Variants in SEMA3D observed in about 807,000 individuals in gnomAD.
SEMA3D encodes the protein semaphorin-3D.
In SEMA3D, 84 loss-of-function variants were observed where a neutral mutation model predicts 100.1. That is an observed-to-expected ratio of 0.84 (90% CI 0.70 to 1.01). SEMA3D has a LOEUF of 1.01. Ranked by LOEUF, SEMA3D falls within the 50% of genes least tolerant of loss-of-function variation. SEMA3D has a pLI of 0.00. For missense variants in SEMA3D, 875 were observed against 934.1 expected, an observed-to-expected ratio of 0.94 and a Z score of 0.82; for synonymous variants, 312 against 320.7, an observed-to-expected ratio of 0.97 and a Z score of 0.29.
chr7:85,174,264 G>T (rs1791164784), intron 1 of SEMA3D, among the ~76,000 whole-genome samples: 1 of 152,040 alleles, frequency 6.6e-6, no homozygotes, highest in Non-Finnish European at 1.5e-5. Context: ...TCTACTTCAG[G>T]GCCAGCCATG....
chr7:85,123,563 T>A (rs1388075057), intron 2 of SEMA3D, among the ~76,000 whole-genome samples: 2 of 152,044 alleles, frequency 1.3e-5, no homozygotes, highest in Non-Finnish European at 2.9e-5. Flanking sequence ...TTAAGTCAAG[T>A]CTTGGGAAGT....
intron 5 of SEMA3D, among the ~76,000 whole-genome samples, chr7:85,078,962 GA>G (rs1280582201): frequency 2.6e-5 from 4 of 152,116 alleles, no homozygotes; most frequent in Non-Finnish European, 5.9e-5. Flanking sequence ...TAAAAATGAG[GA>G]TCTATGTTCT....
At chr7:85,191,056 T>C (rs1437120965), upstream of SEMA3D, among the ~76,000 whole-genome samples, 2 of 152,014 alleles carry the variant, frequency 1.3e-5, no homozygotes. Flanking sequence ...CAAGCCAGAA[T>C]CTTAAGGCTA....
chr7:85,028,843 G>T lies in SEMA3D; in HGVS notation c.1192-6230C>A, dbSNP rs187397499. ...ATTCCTGATATTGTCCTGGTTGGTG[G>T]TCCTAATTGTATCCCCAAGATTTAG... On this transcript the variant is annotated intron_variant, in intron 12 of 18. Transcript: ENST00000284136. 1.7e-5 allele frequency: 4 copies of T among 237,312 alleles called. No homozygotes were observed. In the East Asian group the frequency reaches 4.3e-4, roughly 26 times the overall value. 14.7% of individuals were successfully genotyped at this position (237,312 alleles called of 1,614,324 possible). A position where few individuals can be genotyped will look rare whatever the true frequency, so the allele number is the denominator to read the frequency against.
chr7:85,194,205 C>A, the SEMA3D span, among the ~76,000 whole-genome samples: 1 of 151,966 alleles, frequency 6.6e-6, no homozygotes, highest in Non-Finnish European at 1.5e-5. Flanking sequence ...TTCTTGTTCC[C>A]ATCTTGTTGC....
At chr7:85,242,670 C>G in the SEMA3D span, among the ~76,000 whole-genome samples, 1 of 152,140 alleles carries the variant, frequency 6.6e-6, no homozygotes, top group Admixed American at 6.6e-5. Context: ...TTATCTACTT[C>G]TCCTTATGGC....
intron 13 of SEMA3D, among the ~76,000 whole-genome samples, chr7:85,020,670 T>C (rs1380538191): frequency 1.3e-5 from 2 of 151,454 alleles, no homozygotes; most frequent in Non-Finnish European, 3.0e-5. Context: ...TAAAAATATA[T>C]TAAAATAACA....
At chr7:85,147,353 G>C (rs1015186632) in intron 2 of SEMA3D, among the ~76,000 whole-genome samples, 2 of 151,674 alleles carry the variant, frequency 1.3e-5, no homozygotes, top group African/African-American at 4.8e-5. Context: ...CTGCCCACCT[G>C]TTGGTCAGGC....
chr7:85,062,792 G>C (rs1791512734), intron 8 of SEMA3D, among the ~76,000 whole-genome samples: 1 of 151,956 alleles, frequency 6.6e-6, no homozygotes, highest in Non-Finnish European at 1.5e-5. Flanking sequence ...AATTATTTTT[G>C]AGGCCACTTA....
chr7:85,217,593 T>C, the SEMA3D span, among the ~76,000 whole-genome samples: 1 of 152,224 alleles, frequency 6.6e-6, no homozygotes, highest in Non-Finnish European at 1.5e-5. Context: ...GAGAGTGTTC[T>C]AATTCCCAGG....
chr7:85,042,105 A>G (rs1301870936), intron 10 of SEMA3D, 66 bp downstream of exon 10: 3 of 1,111,216 alleles, frequency 2.7e-6, no homozygotes, highest in Admixed American at 1.8e-5. Flanking sequence ...CCAAAGGGAA[A>G]TAAATGCCAA....
intron 4 of SEMA3D, among the ~76,000 whole-genome samples, chr7:85,082,114 T>C (rs1788081264): frequency 6.6e-6 from 1 of 152,236 alleles, no homozygotes; most frequent in African/African-American, 2.4e-5. Context: ...CTTACTTAAA[T>C]TTCACAATGA....
At chr7:85,118,578 A>C (rs1401443818) in intron 3 of SEMA3D, among the ~76,000 whole-genome samples, 3 of 152,164 alleles carry the variant, frequency 2.0e-5, no homozygotes, top group Non-Finnish European at 4.4e-5. Flanking sequence ...GCAGGACTAA[A>C]GTATCCCTTA....
Position 85,065,540 on chromosome 7 carries a change from T to C in SEMA3D, c.602A>G (p.Tyr201Cys). 1 of 1,612,860 alleles carries C rather than the reference T, an allele frequency of 6.2e-7. No individual in the cohort carries two copies. The change falls in exon 8 of 19, where the codon TAC becomes TGC. Residue 201 changes from tyrosine to cysteine, a missense_variant. Coordinates refer to ENST00000284136, the MANE Select transcript of SEMA3D (RefSeq NM_001384900.1). ...AAGGAAATCAGAAGCTGTTCCAGAGTAGAGGTACTCATCTGAGAGGGAGAA... is the reference window on the plus strand; with the variant it reads ...AAGGAAATCAGAAGCTGTTCCAGAGCAGAGGTACTCATCTGAGAGGGAGAA... Reference protein sequence around the residue: ...FASVMTDEYLYSGTASDFLGK... With the variant: ...FASVMTDEYLCSGTASDFLGK...
At chr7:85,231,476 C>T in the SEMA3D span, among the ~76,000 whole-genome samples, 1 of 98,534 alleles carries the variant, frequency 1.0e-5, no homozygotes, top group South Asian at 4.2e-4. Flanking sequence ...GAGACGGAGT[C>T]TCGCTCTGTC....
At chr7:85,094,227 G>A (rs1191623435) in intron 4 of SEMA3D, among the ~76,000 whole-genome samples, 2 of 151,992 alleles carry the variant, frequency 1.3e-5, no homozygotes, top group African/African-American at 2.4e-5. Context: ...GGGCTAGGAA[G>A]AGCCTTAGAA....
the SEMA3D span, among the ~76,000 whole-genome samples, chr7:85,206,074 G>C: frequency 6.6e-6 from 1 of 152,034 alleles, no homozygotes; most frequent in East Asian, 1.9e-4. Flanking sequence ...GGAAAATGAC[G>C]TATCAGGACC....
intron 3 of SEMA3D, among the ~76,000 whole-genome samples, chr7:85,104,388 GC>G (rs1205881851): frequency 6.6e-6 from 1 of 152,040 alleles, no homozygotes; most frequent in Non-Finnish European, 1.5e-5. Flanking sequence ...CCTTTAGCAA[GC>G]CTAATAAAAT....
At chr7:85,082,019 G>A (rs1015866107) in intron 4 of SEMA3D, among the ~76,000 whole-genome samples, 1 of 152,114 alleles carries the variant, frequency 6.6e-6, no homozygotes, top group African/African-American at 2.4e-5. Flanking sequence ...CCAAGCCAAG[G>A]ACCAGTGTGA....
Sources: allele counts gnomAD v4.1 joint callset (sites outside exome capture counted in the v4.1 genomes callset), GRCh38; gene constraint gnomAD v4.1.1; transcripts MANE v1.5; gene names NCBI Gene and HGNC (gene_info 2026-07-23, HGNC 2026-07-21).